NRXN1: variants seen among roughly 807,000 people sequenced by gnomAD.
The protein encoded by NRXN1 is neurexin-1.
In NRXN1, 39 loss-of-function variants were observed where a neutral mutation model predicts 150.9. That is an observed-to-expected ratio of 0.26 (90% CI 0.20 to 0.34). The LOEUF is 0.34. Ranked by LOEUF, NRXN1 falls within the 10% of genes least tolerant of loss-of-function variation. NRXN1 has a pLI of 1.00. For missense variants in NRXN1, 1,815 were observed against 1,949.9 expected (o/e 0.93, Z 1.30); for synonymous variants, 924 against 757.0 (o/e 1.22, Z -3.62).
intron 18 of NRXN1, among the ~76,000 whole-genome samples, chr2:50,106,687 C>T (rs1396114078): frequency 6.6e-6 from 1 of 151,782 alleles, no homozygotes; most frequent in East Asian, 1.9e-4. Flanking sequence ...AATTATAATA[C>T]AATTTTCTAC....
chr2:51,001,369 G>A (rs1477219076), intron 2 of NRXN1, among the ~76,000 whole-genome samples: 4 of 151,726 alleles, frequency 2.6e-5, no homozygotes, highest in African/African-American at 9.7e-5. Context: ...CAGTTTGTTG[G>A]TGCCTTTCCA....
intron 17 of NRXN1, among the ~76,000 whole-genome samples, chr2:50,447,432 A>T (rs2086517210): frequency 7.5e-6 from 1 of 133,820 alleles, no homozygotes; most frequent in Non-Finnish European, 1.6e-5. Flanking sequence ...GTGAGCTCAG[A>T]TTGTGACACT....
At chr2:50,608,361 C>G (rs1677474445) in intron 8 of NRXN1, among the ~76,000 whole-genome samples, 1 of 152,098 alleles carries the variant, frequency 6.6e-6, no homozygotes, top group African/African-American at 2.4e-5. Flanking sequence ...TAGACTCTTT[C>G]AGTAGATCAT....
intron 12 of NRXN1, among the ~76,000 whole-genome samples, chr2:50,524,144 G>A (rs2092876756): frequency 6.6e-6 from 1 of 152,156 alleles, no homozygotes. Context: ...ACAAGCCCCA[G>A]AGATCATGAG....
At chr2:50,790,080 G>A (rs1559265800) in intron 5 of NRXN1, among the ~76,000 whole-genome samples, 2 of 151,770 alleles carry the variant, frequency 1.3e-5, no homozygotes, top group African/African-American at 4.8e-5. Context: ...CACAGTATCA[G>A]CCTAAAAGGC....
intron 21 of NRXN1, among the ~76,000 whole-genome samples, chr2:50,029,661 T>C (rs1688896538): frequency 6.6e-6 from 1 of 152,150 alleles, no homozygotes; most frequent in South Asian, 2.1e-4. Context: ...GGCATCTTGA[T>C]CTTGGACTTC....
chr2:50,618,780 AAATAAT>A (rs945406001), intron 8 of NRXN1, among the ~76,000 whole-genome samples: 67 of 150,022 alleles, frequency 4.5e-4, no homozygotes, highest in Non-Finnish European at 8.4e-4. Context: ...TAATAATAAT[AAATAAT>A]AATAATAATA....
intron 21 of NRXN1, among the ~76,000 whole-genome samples, chr2:50,006,470 G>T (rs1010265577): frequency 1.7e-4 from 26 of 152,062 alleles, no homozygotes; most frequent in African/African-American, 6.3e-4. Context: ...CCCACCATTT[G>T]CCTTTGCAAA....
intron 5 of NRXN1, chr2:50,898,598 C>G: frequency 2.0e-6 from 1 of 489,284 alleles, no homozygotes; most frequent in South Asian, 1.5e-5. Flanking sequence ...TAGGATTCAA[C>G]TTTGCTGTAA....
chr2:50,037,007 T>C (rs1295546485), intron 21 of NRXN1, among the ~76,000 whole-genome samples: 3 of 152,158 alleles, frequency 2.0e-5, no homozygotes, highest in African/African-American at 7.2e-5. Context: ...AGGCTGCCAT[T>C]TTAAGCAACT....
chr2:50,465,454 G>C lies in NRXN1; in HGVS notation c.3352C>G (p.Leu1118Val), dbSNP rs757348899. 1 of 1,609,520 alleles carries C rather than the reference G, an allele frequency of 6.2e-7. No homozygotes were observed. Among genetic ancestry groups the C allele is most frequent in the Non-Finnish European group, 8.5e-7 (1 of 1,177,538 alleles). Reference sequence around the variant, plus strand: ...GAGAGGTACTTACGGTCATTGCAGAGTGGTCCACTGAAGGAAGTCATACTA... The same window carrying C: ...GAGAGGTACTTACGGTCATTGCAGACTGGTCCACTGAAGGAAGTCATACTA... Reference protein sequence around the residue: ...DCSMTSFSGPLCNDPGTTYIF... With the variant: ...DCSMTSFSGPVCNDPGTTYIF... The change falls in exon 17 of 23, where the codon CTC becomes GTC. Residue 1118 changes from leucine to valine, a missense_variant. Leu to Val is a conservative substitution (Grantham distance 32). Around this residue, in one of 6 missense-constraint regions of NRXN1, gnomAD observed 339 missense variants for 440.3 expected, o/e 0.77. Coordinates refer to ENST00000401669, the MANE Select transcript of NRXN1 (RefSeq NM_001330078.2).
At chr2:50,243,267 A>T (rs2066192112) in intron 17 of NRXN1, among the ~76,000 whole-genome samples, 1 of 151,788 alleles carries the variant, frequency 6.6e-6, no homozygotes, top group African/African-American at 2.4e-5. Flanking sequence ...GTATTAAAAC[A>T]TCACTATAAG....
At chr2:50,598,636 ATATGTG>A (rs1161586725) in intron 8 of NRXN1, among the ~76,000 whole-genome samples, 20 of 147,500 alleles carry the variant, frequency 1.4e-4, no homozygotes, top group African/African-American at 4.4e-4. Flanking sequence ...ATATATGTAT[ATATGTG>A]TGTGTATCTA....
intron 17 of NRXN1, among the ~76,000 whole-genome samples, chr2:50,449,611 C>T (rs1386964164): frequency 6.6e-6 from 1 of 152,140 alleles, no homozygotes; most frequent in Non-Finnish European, 1.5e-5. Flanking sequence ...GGTCCTCTGA[C>T]CACATTAAAT....
intron 5 of NRXN1, among the ~76,000 whole-genome samples, chr2:50,637,141 T>C (rs542711787): frequency 1.3e-5 from 2 of 152,226 alleles, no homozygotes; most frequent in Admixed American, 6.5e-5. Flanking sequence ...ATAATGAACA[T>C]AGATATTCTG....
chr2:50,280,294 A>C (rs888735163), intron 17 of NRXN1, among the ~76,000 whole-genome samples: 29 of 149,218 alleles, frequency 1.9e-4, no homozygotes, highest in African/African-American at 5.7e-4. Context: ...AAAAAAAAAA[A>C]CAGATATATT....
chr2:50,452,615 G>A (rs2087079648), intron 17 of NRXN1, among the ~76,000 whole-genome samples: 1 of 152,146 alleles, frequency 6.6e-6, no homozygotes, highest in Non-Finnish European at 1.5e-5. Context: ...GGAATTGCTG[G>A]TAAACTGGAA....
chr2:50,002,395 C>T (rs778720501), intron 21 of NRXN1, among the ~76,000 whole-genome samples: 35 of 152,112 alleles, frequency 2.3e-4, no homozygotes, highest in Non-Finnish European at 4.4e-4. Flanking sequence ...TTGTAAAGTA[C>T]ATTTAGGACA....
chr2:49,943,716 A>C lies in NRXN1; in HGVS notation c.4204T>G (p.Ser1402Ala). The C allele has an allele frequency of 6.2e-7, 1 of 1,611,472 alleles. No homozygotes were observed. The highest frequency in any genetic ancestry group is 8.5e-7 in the Non-Finnish European group (1 of 1,178,590). Residue 1402 changes from serine to alanine, a missense_variant, in exon 22 of 23, where the codon TCA becomes GCA. This residue lies in a region of NRXN1 where 265 missense variants were observed against 307.1 expected (regional missense o/e 0.86). Transcript: ENST00000401669. ...AAAGTTGACTAACCTAACCCACCTG[A>C]GCTCGGCTCACAGGGGTCAATGTCC... The part of the protein sequence containing the change: ...DEDIDPCEPS[S>A]GGLANPTRAG...
Sources: allele counts gnomAD v4.1 joint callset (sites outside exome capture counted in the v4.1 genomes callset), GRCh38; gene constraint gnomAD v4.1.1; regional missense constraint gnomAD v4.1.1; transcripts MANE v1.5; gene names NCBI Gene and HGNC (gene_info 2026-07-23, HGNC 2026-07-21).